PYGB: variants seen among roughly 807,000 people sequenced by gnomAD.
PYGB encodes the protein glycogen phosphorylase B, also known as glycogen phosphorylase, brain form.
PYGB carries 82 observed loss-of-function variants against 94.3 expected under a neutral mutation model. The ratio of observed to expected loss-of-function variants is 0.87; its 90% CI spans 0.73 to 1.04. The LOEUF is 1.04. PYGB is among the 50% of genes least tolerant of loss of function. The probability of loss-of-function intolerance (pLI) is 0.00; values close to 1 mark genes in which losing one functional copy is unlikely to be tolerated. For synonymous variants in PYGB, 488 were observed against 479.1 expected (o/e 1.02, Z -0.24); for missense variants, 1,132 against 1,158.2 (o/e 0.98, Z 0.33).
chr20:25,283,968 C>T, intron 13 of PYGB, 136 bp from the exon 14 acceptor site: 1 of 1,009,790 alleles, frequency 9.9e-7, no homozygotes, highest in Non-Finnish European at 1.4e-6. Flanking sequence ...GCAATCTCTG[C>T]CCCTCAGCTC....
At chr20:25,270,911 G>A (rs1003438266) in intron 3 of PYGB, among the ~76,000 whole-genome samples, 1 of 152,192 alleles carries the variant, frequency 6.6e-6, no homozygotes, top group Non-Finnish European at 1.5e-5. Flanking sequence ...CTGGTACTGC[G>A]GTGTTTGCAC....
chr20:25,289,526 GTCCC>G, intron 15 of PYGB, among the ~76,000 whole-genome samples: 1 of 152,016 alleles, frequency 6.6e-6, no homozygotes, highest in African/African-American at 2.4e-5. Flanking sequence ...CATGTCTGTA[GTCCC>G]AGTTACTTGG....
At chr20:25,293,981 C>T in intron 17 of PYGB, 177 bp from the exon 18 acceptor site, 2 of 716,576 alleles carry the variant, frequency 2.8e-6, no homozygotes, top group Middle Eastern at 4.0e-4. Context: ...TCGAGCAGGT[C>T]CCTGCTCAAG....
At chr20:25,256,514 A>C (rs1247087790) in intron 1 of PYGB, among the ~76,000 whole-genome samples, 1 of 151,700 alleles carries the variant, frequency 6.6e-6, no homozygotes, top group African/African-American at 2.4e-5. Flanking sequence ...AAAAACAAAA[A>C]CAAAAACAAA....
chr20:25,290,663 G>T, intron 16 of PYGB, 41 bp downstream of exon 16: 1 of 1,584,598 alleles, frequency 6.3e-7, no homozygotes, highest in South Asian at 1.1e-5. Context: ...ACTCACTCCT[G>T]CCGGGGAACG....
At position 25,296,687 on chromosome 20, in the gene PYGB, A is replaced by G. The variant is rs199568690; in HGVS notation, c.*165A>G. ...CAGGGTGGTTTTGAGAGAGCAGGGT[A>G]AGGAAGGAATGTGCTAGAAGTGCTC... On this transcript the variant is annotated 3_prime_UTR_variant, in exon 20 of 20. Transcript: ENST00000216962. The G allele has an allele frequency of 2.2e-4, 202 of 919,640 alleles. No individual in the cohort carries two copies. The highest frequency in any genetic ancestry group is 3.0e-4 in the Non-Finnish European group (186 of 629,606). The allele number at this position is 919,640 out of a possible 1,614,324, so 57.0% of individuals were successfully genotyped here. A position where few individuals can be genotyped will look rare whatever the true frequency, so the allele number is the denominator to read the frequency against.
rs753688457 is a variant in PYGB at position 25,296,379 on chromosome 20, G to A, written c.2389G>A (p.Glu797Lys). Residue 797 changes from glutamate to lysine, a missense_variant, in exon 20 of 20, where the codon GAG becomes AAG. Glu to Lys is a moderately conservative substitution (Grantham distance 56, BLOSUM62 1). Transcript: ENST00000216962. ...ATCTCCTTCCCTGCAGAACCCCAAG[G>A]AGTGGACCAAGAAGGTCATCAGGAA... ...QVDQLYRNPK[E>K]WTKKVIRNIA... is the part of the protein sequence containing the mutation. 3.7e-6 allele frequency: 6 copies of A among 1,613,938 alleles called. No homozygotes were observed. In the Admixed American group the frequency reaches 6.7e-5, roughly 18 times the overall value.
intron 17 of PYGB, among the ~76,000 whole-genome samples, chr20:25,293,174 GA>G (rs2088488422): frequency 2.6e-5 from 4 of 151,806 alleles, no homozygotes; most frequent in Non-Finnish European, 5.9e-5. Context: ...GGGGGTGGCA[GA>G]GGGGAGGAGG....
At chr20:25,272,813 G>A (rs888338844) in intron 4 of PYGB, among the ~76,000 whole-genome samples, 2 of 152,140 alleles carry the variant, frequency 1.3e-5, no homozygotes, top group South Asian at 4.1e-4. Context: ...ATTCATTCTG[G>A]CCCCCAGCAG....
At chr20:25,280,550 G>A in intron 10 of PYGB, 138 bp downstream of exon 10, 1 of 1,241,516 alleles carries the variant, frequency 8.1e-7, no homozygotes, top group South Asian at 1.5e-5. Flanking sequence ...GGGGCTGGGG[G>A]CTGTCCCTTG....
chr20:25,274,682 G>A lies in PYGB; in HGVS notation c.619G>A (p.Val207Met), dbSNP rs201689841. Reference protein sequence around the residue: ...YMLPVHFYGRVEHTPDGVKWL... With the variant: ...YMLPVHFYGRMEHTPDGVKWL... ...GCTTCCCGTGCACTTCTACGGACGC[G>A]TGGAGCACACCCCCGACGGCGTGAA... The change falls in exon 5 of 20, where the codon GTG becomes ATG. Residue 207 changes from valine to methionine, a missense_variant. Coordinates refer to ENST00000216962, the MANE Select transcript of PYGB (RefSeq NM_002862.4). 1.4e-5 allele frequency: 23 copies of A among 1,613,734 alleles called. No individual in the cohort carries two copies. The highest frequency in any genetic ancestry group is 1.9e-5 in the Non-Finnish European group (22 of 1,180,012).
At chr20:25,271,620 C>T in intron 4 of PYGB, 134 bp downstream of exon 4, 7 of 949,868 alleles carry the variant, frequency 7.4e-6, no homozygotes, top group Non-Finnish European at 1.2e-5. Context: ...CAATGTGGAG[C>T]AGGTCAGGGT....
intron 2 of PYGB, 108 bp from the exon 3 acceptor site, chr20:25,269,021 A>G: frequency 1.1e-6 from 1 of 946,092 alleles, no homozygotes; most frequent in Non-Finnish European, 1.7e-6. Context: ...AACAGAACCC[A>G]GACTCTAACT....
chr20:25,288,698 C>G, intron 15 of PYGB: 1 of 594,554 alleles, frequency 1.7e-6, no homozygotes. Flanking sequence ...TGGAGGGGTC[C>G]CCAGCCTAGA....
chr20:25,280,480 C>G (rs539002469), intron 10 of PYGB, 68 bp downstream of exon 10: 9 of 1,559,462 alleles, frequency 5.8e-6, no homozygotes, highest in Non-Finnish European at 7.9e-6. Flanking sequence ...CCCACCTGGC[C>G]TGGGAGAGGA....
At chr20:25,265,931 T>C (rs964080867) in intron 2 of PYGB, among the ~76,000 whole-genome samples, 1 of 152,150 alleles carries the variant, frequency 6.6e-6, no homozygotes, top group African/African-American at 2.4e-5. Context: ...TCTCTATTTG[T>C]CCTAGATATT....
chr20:25,255,298 T>G (rs1425316914), intron 1 of PYGB, among the ~76,000 whole-genome samples: 1 of 152,148 alleles, frequency 6.6e-6, no homozygotes, highest in African/African-American at 2.4e-5. Context: ...TCAACATCTC[T>G]CCTCCCACAG....
In PYGB at chr20:25,292,594, G is replaced by C. The variant is rs775297203; in HGVS notation, c.2158G>C (p.Glu720Gln). 6.2e-7 allele frequency: 1 copy of C among 1,612,036 alleles called. No individual in the cohort carries two copies. The highest frequency in any genetic ancestry group is 1.3e-5 in the African/African-American group (1 of 74,946). ...CTTCGGCCTGCGGGTGGAGGATGTCGAGGCCTTGGACCGGAAAGGGTGCGA... is the reference window on the plus strand; with the variant it reads ...CTTCGGCCTGCGGGTGGAGGATGTCCAGGCCTTGGACCGGAAAGGGTGCGA... ...FIFGLRVEDV[E>Q]ALDRKGYNAR... Residue 720 changes from glutamate to glutamine, a missense_variant, in exon 17 of 20, where the codon GAG becomes CAG. Transcript: ENST00000216962.
At chr20:25,251,359 A>G (rs982556968) in intron 1 of PYGB, 1 of 152,198 alleles carries the variant, frequency 6.6e-6, no homozygotes, top group Non-Finnish European at 1.5e-5. Context: ...TTTCTTTGCC[A>G]TTATTGGCCT....
Sources: allele counts gnomAD v4.1 joint callset (sites outside exome capture counted in the v4.1 genomes callset), GRCh38; gene constraint gnomAD v4.1.1; transcripts MANE v1.5; gene names NCBI Gene and HGNC (gene_info 2026-07-23, HGNC 2026-07-21).